Variants in CWC22 observed in about 807,000 individuals in gnomAD.
CWC22 encodes pre-mRNA-splicing factor CWC22 homolog.
Under a neutral mutation model 117.2 loss-of-function variants are expected in CWC22, and 53 were observed. That is an observed-to-expected ratio of 0.45 (90% CI 0.36 to 0.57). CWC22 has a LOEUF of 0.57. Among genes scored for constraint, CWC22 ranks in the 20% least tolerant of loss-of-function variants. CWC22 has a pLI of 0.00. For missense variants in CWC22, 980 were observed against 1,068.8 expected (o/e 0.92, Z 1.16); for synonymous variants, 360 against 355.6 (o/e 1.01, Z -0.14).
At chr2:179,981,254 T>C (rs968035420) in intron 5 of CWC22, among the ~76,000 whole-genome samples, 5 of 152,348 alleles carry the variant, frequency 3.3e-5, no homozygotes, top group South Asian at 2.1e-4. Flanking sequence ...ACAATGCCTA[T>C]GACTATTTTC....
intron 8 of CWC22, among the ~76,000 whole-genome samples, chr2:179,971,926 T>C (rs2105529211): frequency 6.6e-6 from 1 of 152,300 alleles, no homozygotes; most frequent in East Asian, 1.9e-4. Flanking sequence ...CAAACAGTCT[T>C]AGGTCAGTGA....
chr2:179,955,897 C>G (rs1244507569), intron 14 of CWC22, among the ~76,000 whole-genome samples: 2 of 151,634 alleles, frequency 1.3e-5, no homozygotes, highest in South Asian at 2.1e-4. Flanking sequence ...TGAATAGAGA[C>G]AAAATGAAAA....
chr2:179,952,619 A>T (rs986422037), intron 16 of CWC22, 21 bp from the exon 17 acceptor site: 1 of 1,304,922 alleles, frequency 7.7e-7, no homozygotes, highest in East Asian at 2.6e-5. Context: ...AAATAAAAAA[A>T]GACAAGTATA....
intron 14 of CWC22, among the ~76,000 whole-genome samples, chr2:179,958,164 C>T (rs887915579): frequency 6.6e-6 from 1 of 151,798 alleles, no homozygotes; most frequent in Non-Finnish European, 1.5e-5. Context: ...AACACCATCG[C>T]TATTAAAAAC....
chr2:179,955,948 A>C (rs758812608), intron 14 of CWC22, among the ~76,000 whole-genome samples: 9 of 152,056 alleles, frequency 5.9e-5, no homozygotes, highest in African/African-American at 1.9e-4. Flanking sequence ...TCTTTTCTAT[A>C]AAGATTTACC....
intron 11 of CWC22, among the ~76,000 whole-genome samples, chr2:179,967,439 G>T (rs905885103): frequency 2.0e-5 from 3 of 152,172 alleles, no homozygotes; most frequent in African/African-American, 7.2e-5. Context: ...CTGTGAGGTG[G>T]TCTGGAGGTC....
intron 5 of CWC22, among the ~76,000 whole-genome samples, chr2:179,978,873 T>A (rs2105537403): frequency 1.3e-5 from 2 of 152,270 alleles, no homozygotes; most frequent in Middle Eastern, 6.8e-3. Context: ...TACCTACCAT[T>A]CAGTGTATTT....
intron 13 of CWC22, among the ~76,000 whole-genome samples, chr2:179,962,163 G>A (rs1236849652): frequency 1.3e-5 from 2 of 152,060 alleles, no homozygotes; most frequent in Non-Finnish European, 2.9e-5. Flanking sequence ...GTAGTTTAAT[G>A]TTTTATGCAT....
chr2:179,962,122 A>C (rs547873232), intron 13 of CWC22, among the ~76,000 whole-genome samples: 15 of 152,262 alleles, frequency 9.9e-5, no homozygotes, highest in Non-Finnish European at 1.8e-4. Flanking sequence ...ACAAAGAGGA[A>C]TGTTTTATTT....
chr2:179,983,326 A>G (rs1687332363), intron 4 of CWC22, among the ~76,000 whole-genome samples: 1 of 152,048 alleles, frequency 6.6e-6, no homozygotes, highest in Non-Finnish European at 1.5e-5. Flanking sequence ...ATGTGTTCTC[A>G]TAATTTAGCT....
intron 14 of CWC22, among the ~76,000 whole-genome samples, chr2:179,958,004 T>C (rs1480636785): frequency 2.0e-5 from 3 of 152,136 alleles, no homozygotes; most frequent in South Asian, 2.1e-4. Flanking sequence ...GCCTGACATA[T>C]AGTATCTGCT....
At chr2:179,982,510 A>G (rs968320612) in intron 4 of CWC22, among the ~76,000 whole-genome samples, 26 of 152,234 alleles carry the variant, frequency 1.7e-4, no homozygotes, top group Non-Finnish European at 3.1e-4. Context: ...CAAATTGTAT[A>G]AAGGAGAAGA....
At chr2:180,005,379 C>T (rs777038296) in intron 1 of CWC22, among the ~76,000 whole-genome samples, 7 of 152,146 alleles carry the variant, frequency 4.6e-5, no homozygotes, top group Non-Finnish European at 7.3e-5. Context: ...AGACAGACAC[C>T]ATCCTGGCTA....
intron 2 of CWC22, among the ~76,000 whole-genome samples, chr2:179,990,941 G>A (rs1037141580): frequency 2.0e-5 from 3 of 152,100 alleles, no homozygotes; most frequent in Admixed American, 6.5e-5. Context: ...TAGATGAATA[G>A]GATTTCACCA....
intron 14 of CWC22, among the ~76,000 whole-genome samples, chr2:179,958,479 G>A (rs1233431011): frequency 1.3e-5 from 2 of 151,946 alleles, no homozygotes; most frequent in Admixed American, 6.6e-5. Context: ...CCAACAGGCT[G>A]CATGCAGTCC....
At position 179,945,112 on chromosome 2, in the gene CWC22, T is replaced by A; in HGVS notation, c.*17A>T. ...AACTGAATATAAGGCATGTCCAGTT[T>A]ATGTCATTTTGTAGAATTATTTTTG... On this transcript the variant is annotated 3_prime_UTR_variant, in exon 20 of 20. Coordinates refer to ENST00000410053, the MANE Select transcript of CWC22 (RefSeq NM_020943.3). The A allele has an allele frequency of 6.4e-7, 1 of 1,555,898 alleles. No individual in the cohort carries two copies.
At chr2:180,004,250 T>C (rs1404153029) in intron 1 of CWC22, among the ~76,000 whole-genome samples, 1 of 152,200 alleles carries the variant, frequency 6.6e-6, no homozygotes, top group Non-Finnish European at 1.5e-5. Context: ...AAATTGAAAA[T>C]ATTATTCAAG....
In CWC22 at chr2:179,980,364, C is replaced by A. The variant is rs149032632; in HGVS notation, c.452+1388G>T. On this transcript the variant is annotated intron_variant, in intron 5 of 19. Transcript: ENST00000410053. The stretch of plus-strand genomic sequence containing the variant: ...AATACCCCTTTCTGGCTCTTAAATT[C>A]GGTTTTAATTTATTTCAAATCTTCA... 2.6e-5 allele frequency among the ~76,000 whole-genome samples: 4 copies of A among 151,346 alleles called. No homozygotes were observed. The East Asian group carries it at 7.7e-4, about 29-fold the overall frequency.
chr2:179,950,672 A>G lies in CWC22; in HGVS notation c.1980T>C (p.Asp660=). 6.2e-7 allele frequency: 1 copy of G among 1,613,592 alleles called. No homozygotes were observed. The highest frequency in any genetic ancestry group is 8.5e-7 in the Non-Finnish European group (1 of 1,179,610). The part of the protein sequence containing the change: ...TPKVIVAQKP[D]VEQNKSSPSS... ...ATGGGGAGGATTTATTTTGCTCAAC[A>G]TCTGGTTTCTGCGCCACAATGACCT... Residue 660 remains aspartate (D), a synonymous_variant, in exon 19 of 20, where the codon GAT becomes GAC. Coordinates refer to ENST00000410053, the MANE Select transcript of CWC22 (RefSeq NM_020943.3).
Sources: gnomAD v4.1 joint callset for allele counts (sites outside exome capture counted in the v4.1 genomes callset) on GRCh38, gnomAD v4.1.1 for gene constraint, MANE v1.5 for transcripts, NCBI Gene and HGNC (gene_info 2026-07-23, HGNC 2026-07-21) for gene names.